The following PEX5 variants were observed in gnomAD, a reference collection of about 807,000 sequenced individuals.
PEX5 encodes the protein PTS1 receptor.
PEX5 carries 52 observed loss-of-function variants against 82.9 expected under a neutral mutation model. The ratio of observed to expected loss-of-function variants is 0.63; its 90% confidence interval spans 0.50 to 0.79. The LOEUF (loss-of-function observed/expected upper bound fraction) is 0.79. PEX5 is among the 30% of genes least tolerant of loss of function. The pLI, the probability that PEX5 is intolerant of heterozygous loss-of-function variation, is 0.00. For missense variants in PEX5, 719 were observed against 815.2 expected, an observed-to-expected ratio of 0.88 and a Z score of 1.44; for synonymous variants, 300 against 318.8, an observed-to-expected ratio of 0.94 and a Z score of 0.63.
intron 6 of PEX5, among the ~76,000 whole-genome samples, chr12:7,201,174 CAT>C (rs1382028526): frequency 4.0e-3 from 200 of 49,898 alleles, no homozygotes; most frequent in Admixed American, 0.013. Context: ...CACACATACA[CAT>C]ATGTACACAC....
chr12:7,215,464 A>G (rs148143593), downstream of PEX5, among the ~76,000 whole-genome samples: 8 of 152,356 alleles, frequency 5.3e-5, no homozygotes, highest in South Asian at 2.1e-4. Context: ...AGCAGTATTC[A>G]TGATAGCAAC....
Position 7,210,653 on chromosome 12 carries a change from C to T in PEX5, c.*430C>T. ...TGGGCAGTGTAAGTAGGAGGTTCAT[C>T]TGCTGTGCGCCTCTAATGTCTGTCT... On this transcript the variant is annotated 3_prime_UTR_variant, in exon 16 of 16. Coordinates refer to ENST00000675855, the MANE Select transcript of PEX5 (RefSeq NM_001351132.2). 3.2e-6 allele frequency: 1 copy of T among 313,176 alleles called. No individual in the cohort carries two copies. The highest frequency in any genetic ancestry group is 8.3e-5 in the East Asian group (1 of 11,992). 19.4% of individuals were successfully genotyped at this position (313,176 alleles called of 1,614,324 possible). A position where few individuals can be genotyped will look rare whatever the true frequency, so the allele number is the denominator to read the frequency against.
chr12:7,208,767 AG>A, intron 13 of PEX5, 98 bp downstream of exon 13: 1 of 1,068,360 alleles, frequency 9.4e-7, no homozygotes, highest in South Asian at 1.3e-5. Context: ...TTGAGACTGA[AG>A]GGTCCTGAGA....
intron 7 of PEX5, 21 bp downstream of exon 7, chr12:7,201,862 G>A (rs1944103219): frequency 3.2e-6 from 5 of 1,559,028 alleles, no homozygotes; most frequent in Non-Finnish European, 4.4e-6. Context: ...TCCCTCTGCT[G>A]CTTTGCCCAG....
chr12:7,209,573 G>A, intron 14 of PEX5, 110 bp from the exon 15 acceptor site: 2 of 104,548 alleles, frequency 1.9e-5, no homozygotes, highest in South Asian at 1.6e-4. Flanking sequence ...AGCTAACAGA[G>A]TAGTGAAACA....
At chr12:7,195,806 A>G (rs1941964264) in intron 5 of PEX5, among the ~76,000 whole-genome samples, 1 of 151,076 alleles carries the variant, frequency 6.6e-6, no homozygotes, top group Non-Finnish European at 1.5e-5. Flanking sequence ...TAAGAATGGA[A>G]CTAAGGAACT....
chr12:7,210,586 C>T lies in PEX5; in HGVS notation c.*363C>T, dbSNP rs1313920277. The T allele has an allele frequency of 2.6e-6, 1 of 380,330 alleles. No homozygotes were observed. 23.6% of individuals were successfully genotyped at this position (380,330 alleles called of 1,614,324 possible). ...GGTCTACCACATCTGTAATGTCTGT[C>T]CTTTCCCCCACTTTTACTGGGAATT... On this transcript the variant is annotated 3_prime_UTR_variant, in exon 16 of 16. Coordinates refer to ENST00000675855, the MANE Select transcript of PEX5 (RefSeq NM_001351132.2).
At chr12:7,196,468 GTAA>G (rs1259901448) in intron 5 of PEX5, among the ~76,000 whole-genome samples, 1 of 132,966 alleles carries the variant, frequency 7.5e-6, no homozygotes, top group African/African-American at 2.7e-5. Flanking sequence ...CATATATAAT[GTAA>G]TAATTACATC....
At chr12:7,209,909 C>T in intron 15 of PEX5, 69 bp downstream of exon 15, 1 of 1,603,472 alleles carries the variant, frequency 6.2e-7, no homozygotes, top group Non-Finnish European at 8.5e-7. Flanking sequence ...GCTCCTTATT[C>T]TTAGATCCTG....
exon 18 of PEX5, chr12:7,218,568 T>A (rs1424964519): frequency 1.3e-5 from 2 of 152,218 alleles, no homozygotes; most frequent in Non-Finnish European, 2.9e-5. Context: ...TTTTGACACA[T>A]ATTAAATGGC....
chr12:7,192,510 T>C (rs1203727771), intron 5 of PEX5, among the ~76,000 whole-genome samples: 1 of 152,240 alleles, frequency 6.6e-6, no homozygotes, highest in Admixed American at 6.5e-5. Flanking sequence ...TTGATTCTTC[T>C]TGCCCTAAGC....
chr12:7,201,439 A>G (rs1009975124), intron 6 of PEX5, among the ~76,000 whole-genome samples: 3 of 152,120 alleles, frequency 2.0e-5, no homozygotes, highest in Non-Finnish European at 4.4e-5. Flanking sequence ...AATCCTAACT[A>G]TCCTATATGA....
chr12:7,207,985 A>G (rs1945026568), intron 11 of PEX5, 25 bp from the exon 12 acceptor site: 1 of 1,599,944 alleles, frequency 6.3e-7, no homozygotes, highest in African/African-American at 1.3e-5. Flanking sequence ...ATATGGGGTG[A>G]TGGAATCTGT....
chr12:7,202,111 CT>C, intron 7 of PEX5, 129 bp from the exon 8 acceptor site: 1 of 1,429,514 alleles, frequency 7.0e-7, no homozygotes. Flanking sequence ...CTTTTAGGGT[CT>C]TTAGCATATC....
In PEX5 at chr12:7,191,689, C is replaced by T. The variant is rs753602965; in HGVS notation, c.437C>T (p.Ser146Phe). Residue 146 changes from serine (S) to phenylalanine (F), a missense_variant, in exon 5 of 16, where the codon TCT becomes TTT. Coordinates refer to ENST00000675855, the MANE Select transcript of PEX5 (RefSeq NM_001351132.2). ...ACTGACTGGTCCCAAGAATTCATCTCTGAAGTTACAGGTGAAACTTGTTAT... is the reference window on the plus strand; with the variant it reads ...ACTGACTGGTCCCAAGAATTCATCTTTGAAGTTACAGGTGAAACTTGTTAT... ...NETDWSQEFI[S>F]EVTDPLSVSP... The T allele has an allele frequency of 2.5e-6, 4 of 1,613,710 alleles. No individual in the cohort carries two copies. Among genetic ancestry groups the T allele is most frequent in the African/African-American group, 1.3e-5 (1 of 74,912 alleles).
At chr12:7,193,536 T>A (rs1941557212) in intron 5 of PEX5, among the ~76,000 whole-genome samples, 1 of 152,142 alleles carries the variant, frequency 6.6e-6, no homozygotes, top group Non-Finnish European at 1.5e-5. Flanking sequence ...GCCCTCACGT[T>A]GAGATTCTTT....
At position 7,199,994 on chromosome 12, in the gene PEX5, C is replaced by T. The variant is rs1430102887; in HGVS notation, c.551+881C>T. Among the ~76,000 whole-genome samples, 18 of 124,690 alleles carry T rather than the reference C, an allele frequency of 1.4e-4. 1 individual carries two copies. The highest frequency in any genetic ancestry group is 5.3e-4 in the African/African-American group (17 of 31,972). 81.8% of individuals were successfully genotyped at this position (124,690 alleles called of 152,430 possible). On this transcript the variant is annotated intron_variant, in intron 6 of 15. Transcript: ENST00000675855. The stretch of plus-strand genomic sequence containing the variant: ...GGGGGGCTGACCCCCCGCCTCCCTC[C>T]CGGACGGGGCGGCTGGCCAGGCGGG...
At chr12:7,207,885 G>T in intron 11 of PEX5, 83 bp downstream of exon 11, 1 of 1,558,040 alleles carries the variant, frequency 6.4e-7, no homozygotes, top group South Asian at 1.1e-5. Flanking sequence ...AGTGCAGATG[G>T]GTTAGGGCCT....
At chr12:7,208,359 G>A (rs1261027025) in intron 12 of PEX5, 98 bp from the exon 13 acceptor site, 1 of 866,094 alleles carries the variant, frequency 1.2e-6, no homozygotes, top group East Asian at 2.6e-5. Context: ...AGGCCATTGT[G>A]ACTCTGCATT....
Sources: gnomAD v4.1 joint callset for allele counts (sites outside exome capture counted in the v4.1 genomes callset) on GRCh38, gnomAD v4.1.1 for gene constraint, MANE v1.5 for transcripts, NCBI Gene and HGNC (gene_info 2026-07-23, HGNC 2026-07-21) for gene names.